Variants in DAB1 observed in about 807,000 individuals in gnomAD.
The protein encoded by DAB1 is disabled homolog 1.
Under a neutral mutation model 64.6 loss-of-function variants are expected in DAB1, and 15 were observed. The observed-to-expected ratio is 0.23, with a 90% CI of 0.16 to 0.36. The LOEUF is 0.36. Ranked by LOEUF, DAB1 falls within the 10% of genes least tolerant of loss-of-function variation. DAB1 has a pLI of 1.00. For missense variants in DAB1, 596 were observed against 706.7 expected, an observed-to-expected ratio of 0.84 and a Z score of 1.78; for synonymous variants, 235 against 251.9, an observed-to-expected ratio of 0.93 and a Z score of 0.64.
At chr1:57,924,878 G>A (rs1238475567) in intron 5 of DAB1, among the ~76,000 whole-genome samples, 1 of 151,958 alleles carries the variant, frequency 6.6e-6, no homozygotes. Flanking sequence ...AGTTAACAAA[G>A]TACATATACA....
chr1:58,505,098 G>A (rs925516325), intron 3 of DAB1, among the ~76,000 whole-genome samples: 10 of 152,076 alleles, frequency 6.6e-5, no homozygotes, highest in African/African-American at 1.4e-4. Flanking sequence ...GATTACAGGC[G>A]CATGCCACCA....
chr1:58,484,907 G>A (rs1033226533), intron 3 of DAB1, among the ~76,000 whole-genome samples: 1 of 152,040 alleles, frequency 6.6e-6, no homozygotes, highest in African/African-American at 2.4e-5. Context: ...TAGGGGGAGG[G>A]AGGAATGAGT....
intron 1 of DAB1, chr1:58,534,330 C>T: frequency 4.8e-6 from 4 of 838,576 alleles, no homozygotes; most frequent in Non-Finnish European, 6.1e-6. Flanking sequence ...TTCTTCCATC[C>T]ACTGAAAGAT....
At chr1:57,889,901 G>GT (rs1187132320) in intron 5 of DAB1, among the ~76,000 whole-genome samples, 6 of 72,580 alleles carry the variant, frequency 8.3e-5, no homozygotes, top group African/African-American at 5.0e-4. Flanking sequence ...AACTGGGGCG[G>GT]GGGGGGGGGA....
At chr1:58,154,409 A>G (rs1655108832) in intron 4 of DAB1, among the ~76,000 whole-genome samples, 1 of 152,132 alleles carries the variant, frequency 6.6e-6, no homozygotes, top group East Asian at 1.9e-4. Flanking sequence ...GCACCACCAG[A>G]TCACCAGGCT....
Position 57,655,509 on chromosome 1 carries a change from A to T in DAB1, n.552-5844T>A, listed in dbSNP as rs554637323. 2.6e-5 allele frequency among the ~76,000 whole-genome samples: 4 copies of T among 152,334 alleles called. No individual in the cohort carries two copies. The South Asian group carries it at 8.3e-4, about 32-fold the overall frequency. On this transcript the variant is annotated intron_variant and non_coding_transcript_variant, in intron 6 of 20. Coordinates refer to the DAB1 transcript ENST00000485760. ...CATTATACTTCATAAATATTTGTTG[A>T]CAGTCTAACTGTACCAAACACTGAT...
chr1:58,404,389 C>T (rs1245458560), intron 3 of DAB1, among the ~76,000 whole-genome samples: 5 of 152,190 alleles, frequency 3.3e-5, no homozygotes, highest in Non-Finnish European at 2.9e-5. Context: ...AGACAGGCTG[C>T]GCCATTTGTC....
At chr1:57,091,926 A>G (rs1557703872) in intron 4 of DAB1, among the ~76,000 whole-genome samples, 1 of 152,238 alleles carries the variant, frequency 6.6e-6, no homozygotes, top group African/African-American at 2.4e-5. Context: ...AACTGGCCCA[A>G]CTCCATCCAG....
At chr1:57,987,804 T>C (rs1570174919) in intron 5 of DAB1, among the ~76,000 whole-genome samples, 1 of 151,878 alleles carries the variant, frequency 6.6e-6, no homozygotes. Flanking sequence ...GAGAGTGCTG[T>C]GAAGTGTCCC....
intron 4 of DAB1, among the ~76,000 whole-genome samples, chr1:58,172,709 C>T (rs148854985): frequency 5.9e-5 from 9 of 152,222 alleles, no homozygotes; most frequent in East Asian, 1.9e-4. Flanking sequence ...GAATGGGATA[C>T]GAAGGGCAGG....
intron 5 of DAB1, among the ~76,000 whole-genome samples, chr1:58,089,360 C>T (rs562350981): frequency 3.9e-4 from 59 of 152,346 alleles, no homozygotes; most frequent in African/African-American, 1.3e-3. Flanking sequence ...TATGCGCTTA[C>T]GAGTACATGG....
intron 6 of DAB1, among the ~76,000 whole-genome samples, chr1:57,691,427 G>A (rs1256884573): frequency 6.6e-6 from 1 of 152,024 alleles, no homozygotes; most frequent in Non-Finnish European, 1.5e-5. Context: ...GCCAAATAAG[G>A]GAATAAAAGC....
intron 6 of DAB1, among the ~76,000 whole-genome samples, chr1:57,721,164 G>A (rs1476331651): frequency 6.6e-6 from 1 of 152,136 alleles, no homozygotes; most frequent in Non-Finnish European, 1.5e-5. Flanking sequence ...AATGTGGCCA[G>A]TCATGTCTGG....
intron 3 of DAB1, among the ~76,000 whole-genome samples, chr1:58,448,477 C>A (rs1196045470): frequency 6.6e-6 from 1 of 152,084 alleles, no homozygotes; most frequent in Admixed American, 6.5e-5. Context: ...TGAATCTGAC[C>A]CCAGTTTGTG....
At chr1:57,008,250 T>A (rs1397402861) in intron 14 of DAB1, among the ~76,000 whole-genome samples, 3 of 152,210 alleles carry the variant, frequency 2.0e-5, no homozygotes, top group African/African-American at 7.2e-5. Flanking sequence ...AGCAGCAGGC[T>A]TTTTTCTTTT....
intron 1 of DAB1, among the ~76,000 whole-genome samples, chr1:57,295,061 C>T (rs1673075797): frequency 6.6e-6 from 1 of 152,154 alleles, no homozygotes; most frequent in South Asian, 2.1e-4. Context: ...CAGTGGTTGC[C>T]AGAGGCCAGG....
chr1:57,716,318 C>G, intron 6 of DAB1, among the ~76,000 whole-genome samples: 1 of 152,194 alleles, frequency 6.6e-6, no homozygotes, highest in East Asian at 1.9e-4. Flanking sequence ...GCTGGGGCAT[C>G]ATATTACCTG....
At position 57,596,016 on chromosome 1, in the gene DAB1, C is replaced by G. The variant is rs74544092; in HGVS notation, n.625+53576G>C. Among the ~76,000 whole-genome samples, 1,287 of 152,294 alleles carry G rather than the reference C, an allele frequency of 8.5e-3. 16 individuals are homozygous for G. Among genetic ancestry groups the G allele is most frequent in the African/African-American group, 0.03 (1,235 of 41,550 alleles). On this transcript the variant is annotated intron_variant and non_coding_transcript_variant, in intron 7 of 20. Transcript: ENST00000485760. ...ACATTTCTTTATAGTGATGTAAGAA[C>G]AGACTATACACCTTGGTTTTATTTG...
chr1:57,270,578 C>A (rs1189740211), intron 2 of DAB1, among the ~76,000 whole-genome samples: 1 of 152,212 alleles, frequency 6.6e-6, no homozygotes, highest in African/African-American at 2.4e-5. Flanking sequence ...AAGCAAGGTT[C>A]AAATCCAGGT....
Sources: allele counts gnomAD v4.1 joint callset (sites outside exome capture counted in the v4.1 genomes callset), GRCh38; gene constraint gnomAD v4.1.1; transcripts MANE v1.5; gene names NCBI Gene and HGNC (gene_info 2026-07-23, HGNC 2026-07-21).